The following PAK1 variants were observed in gnomAD, a reference collection of about 807,000 sequenced individuals.
PAK1 encodes the protein p21 (RAC1) activated kinase 1, also known as serine/threonine-protein kinase PAK 1.
A neutral mutation model predicts 67.4 loss-of-function variants in PAK1; 29 were observed. The observed-to-expected ratio is 0.43, with a 90% confidence interval of 0.32 to 0.59. The LOEUF (loss-of-function observed/expected upper bound fraction) is 0.59, where lower values mean the gene tolerates loss of function less well. Among genes scored for constraint, PAK1 ranks in the 20% least tolerant of loss-of-function variants. PAK1 has a pLI of 0.07. For missense variants in PAK1, 337 were observed against 670.7 expected (o/e 0.50, Z 5.50); for synonymous variants, 223 against 237.4 (o/e 0.94, Z 0.56).
chr11:77,477,900 G>C (rs1958076675), upstream of PAK1, among the ~76,000 whole-genome samples: 1 of 152,096 alleles, frequency 6.6e-6, no homozygotes, highest in South Asian at 2.1e-4. Flanking sequence ...TCCAGCCCAG[G>C]AAACAGCGTG....
At chr11:77,378,118 C>A (rs1264618914) in intron 4 of PAK1, among the ~76,000 whole-genome samples, 1 of 152,162 alleles carries the variant, frequency 6.6e-6, no homozygotes, top group Non-Finnish European at 1.5e-5. Flanking sequence ...AACAATACTG[C>A]CATTTGAAGG....
At chr11:77,327,101 AC>A (rs1463233042) in intron 14 of PAK1, among the ~76,000 whole-genome samples, 1 of 152,160 alleles carries the variant, frequency 6.6e-6, no homozygotes, top group Non-Finnish European at 1.5e-5. Context: ...ATAAAAAGAA[AC>A]GAACAAAGCC....
intron 8 of PAK1, 29 bp from the exon 9 acceptor site, chr11:77,349,316 G>GA (rs748591262): frequency 7.0e-6 from 11 of 1,562,562 alleles, no homozygotes; most frequent in Non-Finnish European, 7.9e-6. Context: ...GAGAAAGAGG[G>GA]AAAAAAACAC....
intron 1 of PAK1, among the ~76,000 whole-genome samples, chr11:77,437,292 AG>A (rs1291140568): frequency 1.3e-5 from 2 of 152,336 alleles, no homozygotes; most frequent in Admixed American, 1.3e-4. Flanking sequence ...ACACATACTT[AG>A]AAAAACATTA....
At chr11:77,446,442 A>G (rs1956605602) in intron 1 of PAK1, among the ~76,000 whole-genome samples, 1 of 150,860 alleles carries the variant, frequency 6.6e-6, no homozygotes, top group South Asian at 2.1e-4. Context: ...AACCCAGGAG[A>G]CAGAGGTTGC....
intron 1 of PAK1, among the ~76,000 whole-genome samples, chr11:77,417,884 G>A (rs574206266): frequency 5.9e-5 from 9 of 151,814 alleles, no homozygotes; most frequent in Admixed American, 2.0e-4. Context: ...ACAGGTGCAC[G>A]CCACCACACC....
In PAK1 at chr11:77,471,378, C is replaced by A. The variant is rs1265297694; in HGVS notation, c.-22+2174G>T. Among the ~76,000 whole-genome samples, 8 of 152,018 alleles carry A rather than the reference C, an allele frequency of 5.3e-5. 1 individual carries two copies. In the East Asian group the frequency reaches 1.2e-3, roughly 22 times the overall value. On this transcript the variant is annotated intron_variant, in intron 1 of 14. Coordinates refer to ENST00000356341, the MANE Select transcript of PAK1 (RefSeq NM_002576.5). ...TAAAGAAAAGAAATTCACAGGCTACCAAAAAAAGACAGGCACAAACTCAAG... is the reference window on the plus strand; with the variant it reads ...TAAAGAAAAGAAATTCACAGGCTACAAAAAAAAGACAGGCACAAACTCAAG...
chr11:77,358,843 C>T, intron 6 of PAK1, 55 bp downstream of exon 6: 1 of 1,592,030 alleles, frequency 6.3e-7, no homozygotes, highest in South Asian at 1.1e-5. Flanking sequence ...CAACTCCTCC[C>T]TCTCCCCACT....
At chr11:77,462,826 C>T (rs2135502523) in intron 1 of PAK1, among the ~76,000 whole-genome samples, 1 of 141,070 alleles carries the variant, frequency 7.1e-6, no homozygotes, top group South Asian at 2.2e-4. Context: ...AGCGACCCTC[C>T]ATCTCCAAAA....
At chr11:77,367,675 G>GT (rs765413844) in intron 5 of PAK1, among the ~76,000 whole-genome samples, 7 of 152,168 alleles carry the variant, frequency 4.6e-5, no homozygotes, top group Non-Finnish European at 1.0e-4. Flanking sequence ...TGGAGAATTA[G>GT]TTTAAGAGGT....
the PAK1 span, among the ~76,000 whole-genome samples, chr11:77,486,821 T>C: frequency 6.6e-6 from 1 of 152,142 alleles, no homozygotes; most frequent in Non-Finnish European, 1.5e-5. Flanking sequence ...AGCCTCATCA[T>C]TGTGGGCTAA....
chr11:77,372,114 GTT>G (rs1167793508), intron 5 of PAK1, among the ~76,000 whole-genome samples: 1 of 152,182 alleles, frequency 6.6e-6, no homozygotes, highest in East Asian at 1.9e-4. Context: ...CTTACATAAA[GTT>G]TTTAACACCG....
chr11:77,435,568 A>G (rs1956085868), intron 1 of PAK1, among the ~76,000 whole-genome samples: 1 of 140,814 alleles, frequency 7.1e-6, no homozygotes, highest in African/African-American at 2.7e-5. Context: ...ATCTCGGCTC[A>G]CTGCAAGCTC....
chr11:77,405,662 GACAGACAGACAGAC>G lies in PAK1; in HGVS notation c.-21-13135_-21-13122del, dbSNP rs1458210458. Among the ~76,000 whole-genome samples the G allele has an allele frequency of 5.0e-5, 6 of 118,994 alleles. No homozygotes were observed. The South Asian group carries it at 1.6e-3, about 32-fold the overall frequency. 78.1% of individuals were successfully genotyped at this position (118,994 alleles called of 152,430 possible). On this transcript the variant is annotated intron_variant, in intron 1 of 14. Transcript: ENST00000356341. ...GGCATCTCCTATTCAAAGACAGACA[GACAGACAGACAGAC>G]ACACACACACACACACACACACACA...
At chr11:77,355,002 A>G (rs1945809356) in intron 7 of PAK1, among the ~76,000 whole-genome samples, 1 of 152,162 alleles carries the variant, frequency 6.6e-6, no homozygotes, top group South Asian at 2.1e-4. Context: ...TGACAGCAAG[A>G]GGCAGTATGC....
At chr11:77,480,535 T>G in the PAK1 span, among the ~76,000 whole-genome samples, 1 of 150,036 alleles carries the variant, frequency 6.7e-6, no homozygotes, top group Non-Finnish European at 1.5e-5. Context: ...TTTTTTTTTT[T>G]TTTTTTGAGA....
chr11:77,379,228 G>A lies in PAK1; in HGVS notation c.439+13C>T, dbSNP rs756430282. 1.9e-6 allele frequency: 3 copies of A among 1,597,058 alleles called. No homozygotes were observed. The South Asian group carries it at 3.4e-5, about 18-fold the overall frequency. ...ATCTCTTGCTGAGACTGCCCTGGAC[G>A]CAGTTCTCATACCTGTAAAGCTCAT... On this transcript the variant is annotated intron_variant, in intron 4 of 14. Coordinates refer to ENST00000356341, the MANE Select transcript of PAK1 (RefSeq NM_002576.5).
intron 5 of PAK1, among the ~76,000 whole-genome samples, chr11:77,372,714 T>C (rs922668181): frequency 3.3e-5 from 5 of 152,198 alleles, no homozygotes; most frequent in Non-Finnish European, 5.9e-5. Context: ...CCTTCACTAT[T>C]CACATTCTAG....
intron 1 of PAK1, among the ~76,000 whole-genome samples, chr11:77,442,799 G>A (rs1476230781): frequency 2.0e-5 from 3 of 152,054 alleles, no homozygotes; most frequent in Non-Finnish European, 2.9e-5. Context: ...AGAAAGCCCC[G>A]ATCATGAAAC....
Sources: gnomAD v4.1 joint callset for allele counts (sites outside exome capture counted in the v4.1 genomes callset) on GRCh38, gnomAD v4.1.1 for gene constraint, MANE v1.5 for transcripts, NCBI Gene and HGNC (gene_info 2026-07-23, HGNC 2026-07-21) for gene names.